Variants in SPIDR observed in about 807,000 individuals in gnomAD.
The protein encoded by SPIDR is scaffold protein involved in DNA repair, also known as DNA repair-scaffolding protein.
Under a neutral mutation model 104.6 loss-of-function variants are expected in SPIDR, and 93 were observed. That is an observed-to-expected ratio of 0.89 (90% CI 0.75 to 1.06). The LOEUF is 1.06. SPIDR is among the 50% of genes least tolerant of loss of function. The pLI, the probability that SPIDR is intolerant of heterozygous loss-of-function variation, is 0.00. For missense variants in SPIDR, 1,154 were observed against 1,111.2 expected (o/e 1.04, Z -0.55); for synonymous variants, 431 against 416.9 (o/e 1.03, Z -0.41).
intron 10 of SPIDR, among the ~76,000 whole-genome samples, chr8:47,638,331 A>T (rs1297151438): frequency 6.6e-6 from 1 of 152,232 alleles, no homozygotes; most frequent in Admixed American, 6.5e-5. Flanking sequence ...TTTAAAAAAG[A>T]GACAGGGTCT....
chr8:47,484,967 G>T (rs1278896145), intron 8 of SPIDR, among the ~76,000 whole-genome samples: 2 of 152,204 alleles, frequency 1.3e-5, no homozygotes, highest in South Asian at 2.1e-4. Flanking sequence ...GAGGTTCCGG[G>T]TTCATCTCAC....
In SPIDR at chr8:47,345,825, C is replaced by A. The variant is rs969408442; in HGVS notation, c.526-50551C>A. Reference sequence around the variant, plus strand: ...TGCACATTGATTTTGTATCCCGAGACTTTGCTGAAGTTACTTACCAGTTTA... The same window carrying A: ...TGCACATTGATTTTGTATCCCGAGAATTTGCTGAAGTTACTTACCAGTTTA... On this transcript the variant is annotated intron_variant, in intron 5 of 19. Transcript: ENST00000297423. Among the ~76,000 whole-genome samples, 12 of 152,302 alleles carry A rather than the reference C, an allele frequency of 7.9e-5. No homozygotes were observed. In the East Asian group the frequency reaches 2.3e-3, roughly 29 times the overall value.
intron 5 of SPIDR, among the ~76,000 whole-genome samples, chr8:47,327,299 A>T (rs1010495310): frequency 6.6e-6 from 1 of 151,992 alleles, no homozygotes; most frequent in African/African-American, 2.4e-5. Flanking sequence ...TGGTTGTGTT[A>T]TAAGAGAATG....
intron 7 of SPIDR, among the ~76,000 whole-genome samples, chr8:47,413,587 A>G (rs1222562088): frequency 6.6e-6 from 1 of 152,218 alleles, no homozygotes; most frequent in Non-Finnish European, 1.5e-5. Context: ...TAGCATTGAC[A>G]AATTGTAAAT....
intron 10 of SPIDR, among the ~76,000 whole-genome samples, chr8:47,668,664 G>A (rs2075341050): frequency 6.6e-6 from 1 of 152,118 alleles, no homozygotes; most frequent in African/African-American, 2.4e-5. Context: ...TGCCCTGAAG[G>A]TCCTAAAAGG....
At chr8:47,367,894 C>G (rs1167213475) in intron 5 of SPIDR, among the ~76,000 whole-genome samples, 5 of 152,194 alleles carry the variant, frequency 3.3e-5, no homozygotes, top group African/African-American at 1.2e-4. Context: ...ATTATAGGAA[C>G]AGTGATTCAA....
intron 8 of SPIDR, among the ~76,000 whole-genome samples, chr8:47,454,240 A>G (rs531655024): frequency 8.5e-5 from 13 of 152,328 alleles, no homozygotes; most frequent in East Asian, 3.9e-4. Context: ...ATGTCCATCA[A>G]TAATATACTG....
At chr8:47,337,616 CTTT>C (rs1210783482) in intron 5 of SPIDR, among the ~76,000 whole-genome samples, 6 of 145,710 alleles carry the variant, frequency 4.1e-5, no homozygotes, top group Non-Finnish European at 6.0e-5. Context: ...GTTGCTGCTG[CTTT>C]TTGTGTCACA....
chr8:47,676,868 A>T (rs1051847483), intron 11 of SPIDR, among the ~76,000 whole-genome samples: 1 of 152,238 alleles, frequency 6.6e-6, no homozygotes, highest in East Asian at 1.9e-4. Flanking sequence ...CCAGATGCCT[A>T]TGCAGGGAGC....
chr8:47,518,509 G>A (rs2154379318), intron 8 of SPIDR, among the ~76,000 whole-genome samples: 1 of 152,184 alleles, frequency 6.6e-6, no homozygotes, highest in Admixed American at 6.5e-5. Flanking sequence ...CCCATTATGT[G>A]TCTAGACGCT....
intron 8 of SPIDR, among the ~76,000 whole-genome samples, chr8:47,535,055 C>G (rs899012333): frequency 1.3e-5 from 2 of 151,840 alleles, no homozygotes; most frequent in African/African-American, 2.4e-5. Flanking sequence ...TGAAATAGAC[C>G]AATTACGTGA....
At chr8:47,578,492 A>C (rs1269351093) in intron 8 of SPIDR, among the ~76,000 whole-genome samples, 2 of 152,108 alleles carry the variant, frequency 1.3e-5, no homozygotes, top group East Asian at 3.9e-4. Context: ...TAATAATAAT[A>C]ATCAAATAGA....
chr8:47,552,705 TC>T (rs553654191), intron 8 of SPIDR, among the ~76,000 whole-genome samples: 523 of 152,332 alleles, frequency 3.4e-3, no homozygotes, highest in African/African-American at 0.012. Context: ...GTGTCTTGAC[TC>T]TTTATCCAAT....
At chr8:47,594,289 C>A (rs897506062) in intron 8 of SPIDR, among the ~76,000 whole-genome samples, 1 of 148,568 alleles carries the variant, frequency 6.7e-6, no homozygotes, top group Non-Finnish European at 1.5e-5. Flanking sequence ...GTGGGAGAAT[C>A]ACTTGAACTT....
At chr8:47,435,047 G>T (rs1202403879) in intron 7 of SPIDR, among the ~76,000 whole-genome samples, 2 of 151,960 alleles carry the variant, frequency 1.3e-5, no homozygotes, top group Non-Finnish European at 1.5e-5. Flanking sequence ...GCCAGTTAGT[G>T]CAGTGTTGTG....
chr8:47,262,434 C>T (rs527673010), intron 1 of SPIDR, among the ~76,000 whole-genome samples: 1 of 152,268 alleles, frequency 6.6e-6, no homozygotes, highest in African/African-American at 2.4e-5. Flanking sequence ...GTTTCTGAGA[C>T]TCAGGAATCT....
intron 5 of SPIDR, among the ~76,000 whole-genome samples, chr8:47,339,048 C>T (rs1029053819): frequency 6.6e-6 from 1 of 152,200 alleles, no homozygotes; most frequent in African/African-American, 2.4e-5. Flanking sequence ...TCACTATTAA[C>T]TAGATCTTTG....
At chr8:47,575,787 C>A (rs2059036643) in intron 8 of SPIDR, among the ~76,000 whole-genome samples, 1 of 151,588 alleles carries the variant, frequency 6.6e-6, no homozygotes, top group Admixed American at 6.6e-5. Context: ...TGGTGAAACC[C>A]CGTCTCTACT....
At chr8:47,322,192 T>C (rs1186946453) in intron 5 of SPIDR, among the ~76,000 whole-genome samples, 1 of 152,178 alleles carries the variant, frequency 6.6e-6, no homozygotes, top group Non-Finnish European at 1.5e-5. Flanking sequence ...TACAGTCTGC[T>C]CATCTGACAA....
Sources: allele counts gnomAD v4.1 joint callset (sites outside exome capture counted in the v4.1 genomes callset), GRCh38; gene constraint gnomAD v4.1.1; transcripts MANE v1.5; gene names NCBI Gene and HGNC (gene_info 2026-07-23, HGNC 2026-07-21).